The following MIPEP variants were observed in gnomAD, a reference collection of about 807,000 sequenced individuals.
MIPEP encodes the protein mitochondrial intermediate peptidase.
MIPEP carries 79 observed loss-of-function variants against 90.3 expected under a neutral mutation model. The ratio of observed to expected loss-of-function variants is 0.87; its 90% CI spans 0.73 to 1.05. The LOEUF is 1.05. MIPEP is among the 50% of genes least tolerant of loss of function. The probability of loss-of-function intolerance (pLI) is 0.00; values close to 1 mark genes in which losing one functional copy is unlikely to be tolerated. For missense variants in MIPEP, 940 were observed against 905.6 expected, an observed-to-expected ratio of 1.04 and a Z score of -0.49; for synonymous variants, 334 against 315.8, an observed-to-expected ratio of 1.06 and a Z score of -0.61.
At chr13:23,836,834 A>T (rs1302269546) in intron 13 of MIPEP, among the ~76,000 whole-genome samples, 1 of 152,244 alleles carries the variant, frequency 6.6e-6, no homozygotes, top group Non-Finnish European at 1.5e-5. Context: ...AATTACTTAA[A>T]GTAACAAATC....
intron 16 of MIPEP, among the ~76,000 whole-genome samples, chr13:23,794,562 G>T (rs1754884430): frequency 1.3e-5 from 2 of 152,086 alleles, no homozygotes; most frequent in South Asian, 4.1e-4. Context: ...AGACACATGT[G>T]CATCATTTAA....
At chr13:23,796,758 TAGCTGCACTCCATCTCC>T (rs1179233756) in intron 16 of MIPEP, among the ~76,000 whole-genome samples, 1 of 152,230 alleles carries the variant, frequency 6.6e-6, no homozygotes, top group Non-Finnish European at 1.5e-5. Context: ...GGTTCACCAC[TAGCTGCACTCCATCTCC>T]AAGCTGGTAC....
chr13:23,869,034 G>C (rs1329543727), intron 7 of MIPEP, among the ~76,000 whole-genome samples: 1 of 152,130 alleles, frequency 6.6e-6, no homozygotes, highest in Non-Finnish European at 1.5e-5. Context: ...AAACAATTTA[G>C]ACTAACATCA....
chr13:23,818,856 T>C (rs115090204), intron 14 of MIPEP, among the ~76,000 whole-genome samples: 3,826 of 152,322 alleles, frequency 0.025, 176 homozygotes, highest in African/African-American at 0.086. Context: ...ATGTGCCTCA[T>C]TCTAATTTCT....
At chr13:23,759,228 G>A (rs1235028778) in intron 17 of MIPEP, among the ~76,000 whole-genome samples, 4 of 152,112 alleles carry the variant, frequency 2.6e-5, no homozygotes, top group Non-Finnish European at 4.4e-5. Flanking sequence ...GGAGGATCAG[G>A]AGGCCAAATC....
intron 10 of MIPEP, among the ~76,000 whole-genome samples, chr13:23,856,256 C>G (rs932866160): frequency 6.6e-6 from 1 of 152,188 alleles, no homozygotes; most frequent in East Asian, 1.9e-4. Flanking sequence ...TAAGACAAAC[C>G]AGGGAGGCAA....
intron 14 of MIPEP, among the ~76,000 whole-genome samples, chr13:23,810,283 G>A (rs1953157407): frequency 1.3e-5 from 2 of 152,174 alleles, no homozygotes; most frequent in East Asian, 1.9e-4. Context: ...TGACTTTTAA[G>A]TGCATATAAT....
At chr13:23,877,507 T>TAA (rs1338787456) in intron 4 of MIPEP, among the ~76,000 whole-genome samples, 2 of 152,232 alleles carry the variant, frequency 1.3e-5, no homozygotes, top group African/African-American at 2.4e-5. Context: ...CAGGTTTCTT[T>TAA]ATGGCCTGGC....
rs966488171 is a variant in MIPEP at position 23,773,999 on chromosome 13, A to C, written c.1849-13782T>G. ...GATGTATCTAAGAAGCCATTGCCTA[A>C]TCCAAGGTCATAAATGTGTATGTAA... On this transcript the variant is annotated intron_variant, in intron 16 of 18. Transcript: ENST00000382172. Among the ~76,000 whole-genome samples, 15 of 152,310 alleles carry C rather than the reference A, an allele frequency of 9.8e-5. 1 individual carries two copies. The highest frequency in any genetic ancestry group is 1.5e-4 in the Non-Finnish European group (10 of 68,012).
intron 16 of MIPEP, among the ~76,000 whole-genome samples, chr13:23,761,592 C>T (rs905093315): frequency 6.6e-6 from 1 of 152,178 alleles, no homozygotes; most frequent in Non-Finnish European, 1.5e-5. Context: ...TTTTCTGTTG[C>T]TAAAGTGGAA....
chr13:23,871,532 G>A (rs1413173544), intron 5 of MIPEP, among the ~76,000 whole-genome samples: 1 of 152,166 alleles, frequency 6.6e-6, no homozygotes, highest in Non-Finnish European at 1.5e-5. Flanking sequence ...GGCTTCAGGT[G>A]AAAGTGTACA....
chr13:23,870,091 T>C lies in MIPEP; in HGVS notation c.708A>G (p.Glu236=), dbSNP rs1166883314. 1.2e-6 allele frequency: 2 copies of C among 1,612,970 alleles called. No individual in the cohort carries two copies. The highest frequency in any genetic ancestry group is 1.3e-5 in the African/African-American group (1 of 74,994). The change falls in exon 6 of 19, where the codon GAA becomes GAG. Residue 236 remains glutamate, a synonymous_variant. Coordinates refer to ENST00000382172, the MANE Select transcript of MIPEP (RefSeq NM_005932.4). ...PNKIEKHLLP[E]HIRRNFTSAG... is the part of the protein sequence containing the mutation. ...CAGATGTAAAGTTACGACGAATGTG[T>C]TCTGGTAAGAGATGCTTCTCAATCT...
intron 8 of MIPEP, among the ~76,000 whole-genome samples, chr13:23,863,861 T>C (rs1257276797): frequency 1.3e-5 from 2 of 152,226 alleles, no homozygotes; most frequent in Non-Finnish European, 1.5e-5. Flanking sequence ...TTAAAATAAA[T>C]AGTTTCAAAA....
intron 4 of MIPEP, among the ~76,000 whole-genome samples, chr13:23,877,794 C>A (rs184920643): frequency 2.6e-4 from 40 of 152,266 alleles, no homozygotes; most frequent in Admixed American, 2.6e-3. Context: ...AAATATAGTT[C>A]TTTCTGGGTG....
intron 16 of MIPEP, among the ~76,000 whole-genome samples, chr13:23,801,219 G>A (rs1244027498): frequency 6.6e-6 from 1 of 152,136 alleles, no homozygotes; most frequent in Non-Finnish European, 1.5e-5. Context: ...TCTTCTATCC[G>A]ATATGGAAGT....
At chr13:23,753,720 A>T (rs1279637828) in intron 18 of MIPEP, among the ~76,000 whole-genome samples, 2 of 152,242 alleles carry the variant, frequency 1.3e-5, no homozygotes, top group African/African-American at 4.8e-5. Context: ...GCTGGTGAGG[A>T]CTAGAAATGG....
intron 18 of MIPEP, among the ~76,000 whole-genome samples, chr13:23,749,299 A>T (rs1361136165): frequency 6.6e-6 from 1 of 152,254 alleles, no homozygotes; most frequent in Non-Finnish European, 1.5e-5. Context: ...TTGTGCAAAT[A>T]ACACCAATAG....
chr13:23,764,201 T>C (rs1460855102), intron 16 of MIPEP, among the ~76,000 whole-genome samples: 2 of 152,186 alleles, frequency 1.3e-5, no homozygotes, highest in Non-Finnish European at 2.9e-5. Context: ...GATTTTCAAA[T>C]CCTATTGCTG....
chr13:23,821,654 G>C (rs1953306373), intron 14 of MIPEP, among the ~76,000 whole-genome samples: 2 of 152,214 alleles, frequency 1.3e-5, no homozygotes, highest in South Asian at 4.1e-4. Flanking sequence ...TGCAGTATCT[G>C]AGGGGGGTTG....
Sources: allele counts gnomAD v4.1 joint callset (sites outside exome capture counted in the v4.1 genomes callset), GRCh38; gene constraint gnomAD v4.1.1; transcripts MANE v1.5; gene names NCBI Gene and HGNC (gene_info 2026-07-23, HGNC 2026-07-21).